Variants in LGR6 observed in about 807,000 individuals in gnomAD.
LGR6 encodes leucine rich repeat containing G protein-coupled receptor 6.
In LGR6, 45 loss-of-function variants were observed where a neutral mutation model predicts 69.4. The observed-to-expected ratio is 0.65, with a 90% CI of 0.51 to 0.83. The LOEUF is 0.83. Among genes scored for constraint, LGR6 ranks in the 40% least tolerant of loss-of-function variants. The probability of loss-of-function intolerance (pLI) is 0.00; values close to 1 mark genes in which losing one functional copy is unlikely to be tolerated. For synonymous variants in LGR6, 538 were observed against 555.0 expected (o/e 0.97, Z 0.43); for missense variants, 1,108 against 1,246.7 (o/e 0.89, Z 1.68).
intron 17 of LGR6, among the ~76,000 whole-genome samples, chr1:202,316,889 G>A (rs930369444): frequency 6.6e-6 from 1 of 152,130 alleles, no homozygotes; most frequent in Non-Finnish European, 1.5e-5. Context: ...TTTGGAGAGA[G>A]GGATGGAAAA....
At chr1:202,267,156 G>A (rs960126856) in intron 4 of LGR6, among the ~76,000 whole-genome samples, 2 of 152,218 alleles carry the variant, frequency 1.3e-5, no homozygotes, top group Non-Finnish European at 2.9e-5. Context: ...TAATGAATAT[G>A]TCTCTGCAGA....
intron 1 of LGR6, chr1:202,214,061 G>A: frequency 1.5e-6 from 2 of 1,350,874 alleles, no homozygotes; most frequent in Admixed American, 4.1e-5. Context: ...AGAGGGAAGG[G>A]CATACGAGAG....
chr1:202,234,798 C>T (rs1353385076), intron 3 of LGR6, among the ~76,000 whole-genome samples: 1 of 152,148 alleles, frequency 6.6e-6, no homozygotes, highest in Non-Finnish European at 1.5e-5. Context: ...CTTCCTGAAG[C>T]GTGGAATTAC....
chr1:202,252,429 A>G (rs1010314698), intron 4 of LGR6, among the ~76,000 whole-genome samples: 2 of 152,106 alleles, frequency 1.3e-5, no homozygotes, highest in African/African-American at 4.8e-5. Flanking sequence ...CTCACTCTTT[A>G]TAATTATTTC....
chr1:202,314,584 G>T (rs1319988294), intron 16 of LGR6, among the ~76,000 whole-genome samples: 1 of 152,214 alleles, frequency 6.6e-6, no homozygotes, highest in Non-Finnish European at 1.5e-5. Context: ...TGAAATGTTT[G>T]CTGTGCACTC....
Position 202,318,777 on chromosome 1 carries a change from T to C in LGR6, c.2474T>C (p.Leu825Pro), listed in dbSNP as rs1412554990. Residue 825 changes from leucine to proline, a missense_variant, in exon 18 of 18, where the codon CTG becomes CCG. By Grantham distance (98) the Leu-to-Pro change is moderately conservative. Coordinates refer to ENST00000367278, the MANE Select transcript of LGR6 (RefSeq NM_001017403.2). ...VLPLPACLNP[L>P]LYLLFNPHFR... The stretch of plus-strand genomic sequence containing the variant: ...CCCCTGCCTGCCTGCCTCAACCCAC[T>C]GCTGTACCTGCTCTTCAACCCCCAC... The C allele has an allele frequency of 6.2e-7, 1 of 1,613,754 alleles. No homozygotes were observed. Among genetic ancestry groups the C allele is most frequent in the South Asian group, 1.1e-5 (1 of 91,080 alleles).
chr1:202,314,769 C>G (rs1430168063), intron 16 of LGR6, 33 bp from the exon 17 acceptor site: 5 of 1,542,020 alleles, frequency 3.2e-6, no homozygotes, highest in African/African-American at 2.7e-5. Flanking sequence ...CACCAAGACC[C>G]AGGACCCTGC....
chr1:202,299,619 T>C (rs1667432113), intron 7 of LGR6, among the ~76,000 whole-genome samples: 1 of 152,084 alleles, frequency 6.6e-6, no homozygotes, highest in Non-Finnish European at 1.5e-5. Flanking sequence ...GACACAAAGA[T>C]GGTGTTTAAG....
intron 17 of LGR6, among the ~76,000 whole-genome samples, chr1:202,316,267 C>T (rs1285638588): frequency 3.3e-5 from 5 of 152,168 alleles, no homozygotes; most frequent in Admixed American, 3.3e-4. Context: ...GGGCCTCAGG[C>T]TGCTTCAACT....
chr1:202,280,952 G>A (rs929221442), intron 6 of LGR6, 100 bp downstream of exon 6: 6 of 1,069,738 alleles, frequency 5.6e-6, no homozygotes, highest in African/African-American at 3.2e-5. Flanking sequence ...CAGCAGTCCT[G>A]GGATGCTGGG....
rs760228445 is a variant in LGR6, at chr1:202,307,422, C to T, written c.1280+21C>T. On this transcript the variant is annotated intron_variant, in intron 14 of 17. Coordinates refer to ENST00000367278, the MANE Select transcript of LGR6 (RefSeq NM_001017403.2). ...AAGCTGTAAGTGCCTGCTGCATTCT[C>T]CTCCAGGATGCTGGGGGCCAGTCGG... 5.7e-5 allele frequency: 92 copies of T among 1,610,944 alleles called. No individual in the cohort carries two copies. The Admixed American group carries it at 1.5e-3, about 27-fold the overall frequency.
intron 4 of LGR6, among the ~76,000 whole-genome samples, chr1:202,243,704 C>T (rs1023305496): frequency 2.6e-5 from 4 of 152,130 alleles, no homozygotes; most frequent in Non-Finnish European, 5.9e-5. Flanking sequence ...GACCTTACCA[C>T]TCACAGCCTC....
chr1:202,306,258 T>C (rs189337377), intron 12 of LGR6, among the ~76,000 whole-genome samples: 9 of 152,292 alleles, frequency 5.9e-5, no homozygotes, highest in African/African-American at 1.9e-4. Flanking sequence ...AAAGAAAATA[T>C]CACTTGAAAA....
At chr1:202,264,807 G>C (rs1191313725) in intron 4 of LGR6, among the ~76,000 whole-genome samples, 1 of 152,104 alleles carries the variant, frequency 6.6e-6, no homozygotes, top group African/African-American at 2.4e-5. Context: ...GAATGCTCAG[G>C]TATCATCCTT....
intron 1 of LGR6, among the ~76,000 whole-genome samples, chr1:202,201,207 A>G (rs1658823547): frequency 6.6e-6 from 1 of 152,140 alleles, no homozygotes. Context: ...TTCCTGGTTG[A>G]TATTTTCATT....
chr1:202,303,957 G>C (rs1572003998), intron 10 of LGR6, among the ~76,000 whole-genome samples: 1 of 152,170 alleles, frequency 6.6e-6, no homozygotes, highest in Non-Finnish European at 1.5e-5. Flanking sequence ...TTCCATGAGG[G>C]AAGTAGTTAT....
intron 4 of LGR6, among the ~76,000 whole-genome samples, chr1:202,271,734 G>A (rs1180570157): frequency 6.6e-6 from 1 of 151,502 alleles, no homozygotes; most frequent in Non-Finnish European, 1.5e-5. Context: ...CTTGAACCCG[G>A]GAGGCAGAGG....
intron 1 of LGR6, 77 bp downstream of exon 1, chr1:202,194,278 C>CAAGCAAGCAGG: frequency 2.7e-6 from 3 of 1,101,480 alleles, no homozygotes; most frequent in Non-Finnish European, 3.8e-6. Flanking sequence ...AGCAGGGCAC[C>CAAGCAAGCAGG]TGCTTGCTTG....
intron 6 of LGR6, among the ~76,000 whole-genome samples, chr1:202,295,342 A>AC (rs1667077915): frequency 6.6e-6 from 1 of 151,906 alleles, no homozygotes. Flanking sequence ...AAAAAAAAAA[A>AC]AAAAAAAGAC....
Sources: gnomAD v4.1 joint callset for allele counts (sites outside exome capture counted in the v4.1 genomes callset) on GRCh38, gnomAD v4.1.1 for gene constraint, MANE v1.5 for transcripts, NCBI Gene and HGNC (gene_info 2026-07-23, HGNC 2026-07-21) for gene names.